The following TRRAP variants were observed in gnomAD, a reference collection of about 807,000 sequenced individuals.
TRRAP encodes the protein transformation/transcription domain-associated protein.
Under a neutral mutation model 438.8 loss-of-function variants are expected in TRRAP, and 41 were observed. That is an observed-to-expected ratio of 0.09 (90% CI 0.07 to 0.12). The LOEUF (loss-of-function observed/expected upper bound fraction) is 0.12, where lower values mean the gene tolerates loss of function less well. Ranked by LOEUF, TRRAP falls within the 10% of genes least tolerant of loss-of-function variation. The pLI, the probability that TRRAP is intolerant of heterozygous loss-of-function variation, is 1.00. For synonymous variants in TRRAP, 1,994 were observed against 1,962.9 expected (o/e 1.02, Z -0.42); for missense variants, 3,122 against 5,055.1 (o/e 0.62, Z 11.60).
At chr7:98,897,488 C>T (rs1554405939) in intron 7 of TRRAP, among the ~76,000 whole-genome samples, 1 of 151,994 alleles carries the variant, frequency 6.6e-6, no homozygotes, top group Admixed American at 6.5e-5. Context: ...GAACATGGTC[C>T]CTGTCGTGTT....
chr7:98,971,915 C>G lies in TRRAP; in HGVS notation c.7809C>G (p.Asp2603Glu). ...TGCACATGCTAACCAACAGGCACGA[C>G]AAGTTTCTGGACACTCTCCGAGAGG... Reference protein sequence around the residue: ...NQLHMLTNRHDKFLDTLREVK... With the variant: ...NQLHMLTNRHEKFLDTLREVK... The change falls in exon 53 of 73, where the codon GAC becomes GAG. Residue 2603 changes from aspartate (D) to glutamate (E), a missense_variant. Physicochemically the swap from Asp to Glu is conservative, Grantham distance 45. Transcript: ENST00000456197. 1 of 1,614,206 alleles carries G rather than the reference C, an allele frequency of 6.2e-7. No homozygotes were observed. The highest frequency in any genetic ancestry group is 1.6e-4 in the Middle Eastern group (1 of 6,062).
At chr7:98,970,369 G>A in intron 52 of TRRAP, 78 bp downstream of exon 52, 3 of 1,531,722 alleles carry the variant, frequency 2.0e-6, no homozygotes, top group Non-Finnish European at 2.6e-6. Context: ...TCCCAGAGAG[G>A]AGGTGAGACC....
At chr7:98,923,185 C>A (rs1193892794) in intron 21 of TRRAP, among the ~76,000 whole-genome samples, 4 of 152,216 alleles carry the variant, frequency 2.6e-5, no homozygotes, top group Non-Finnish European at 4.4e-5. Context: ...AAAATTCTGT[C>A]TTTTGCGTAT....
chr7:98,920,484 A>AG (rs1554410307), intron 20 of TRRAP, among the ~76,000 whole-genome samples: 5 of 152,034 alleles, frequency 3.3e-5, no homozygotes, highest in Admixed American at 2.0e-4. Flanking sequence ...AAAAAAAAAA[A>AG]GAAAAGAAAA....
intron 67 of TRRAP, among the ~76,000 whole-genome samples, chr7:99,003,873 G>T (rs1156756966): frequency 6.6e-6 from 1 of 152,204 alleles, no homozygotes; most frequent in Non-Finnish European, 1.5e-5. Flanking sequence ...AGACCAGCCT[G>T]GCCAACATGG....
At position 98,921,762 on chromosome 7, in the gene TRRAP, C is replaced by A; in HGVS notation, c.2632C>A (p.Arg878Ser). Residue 878 changes from arginine (R) to serine (S), a missense_variant, in exon 21 of 73, where the codon CGC (arginine) becomes AGC (serine). Arg to Ser is a moderately radical substitution (Grantham distance 110, BLOSUM62 -1). Around this residue, in one of 24 missense-constraint regions of TRRAP, gnomAD observed 133 missense variants for 188.6 expected, o/e 0.71. Coordinates refer to ENST00000456197, the MANE Select transcript of TRRAP (RefSeq NM_001375524.1). ...VRAELMQALWRTLRNPADSIS... is the reference protein window; with the variant it reads ...VRAELMQALWSTLRNPADSIS... ...GCACGCTGATTTTCAGGCTCTGTGG[C>A]GCACCTTACGCAACCCTGCTGACAG... 2 of 1,614,074 alleles carry A rather than the reference C, an allele frequency of 1.2e-6. No homozygotes were observed. Among genetic ancestry groups the A allele is most frequent in the Non-Finnish European group, 8.5e-7 (1 of 1,180,018 alleles).
At position 98,953,342 on chromosome 7, in the gene TRRAP, C is replaced by A. The variant is rs370921401; in HGVS notation, c.5639C>A (p.Ala1880Asp). 6.2e-7 allele frequency: 1 copy of A among 1,614,008 alleles called. No individual in the cohort carries two copies. The highest frequency in any genetic ancestry group is 1.7e-5 in the Admixed American group (1 of 60,028). Reference protein sequence around the residue: ...TFAWPCLLSKACVDPACKYSG... With the variant: ...TFAWPCLLSKDCVDPACKYSG... Reference sequence around the variant, plus strand: ...GCCTGGCCCTGCCTGCTCTCCAAGGCCTGCGTGGACCCAGCCTGCAAGTAC... The same window carrying A: ...GCCTGGCCCTGCCTGCTCTCCAAGGACTGCGTGGACCCAGCCTGCAAGTAC... Residue 1880 changes from alanine to aspartate, a missense_variant, in exon 40 of 73, where the codon GCC (alanine) becomes GAC (aspartate). This residue lies in a region of TRRAP where 22 missense variants were observed against 28.8 expected (regional missense o/e 0.76). Transcript: ENST00000456197.
chr7:98,936,796 C>G lies in TRRAP; in HGVS notation c.4112-360C>G, dbSNP rs184746159. The stretch of plus-strand genomic sequence containing the variant: ...AGACGTAAGATTTATCATGGCTTTT[C>G]TGGCAGGCTGGACTTCACTCTTAGA... On this transcript the variant is annotated intron_variant, in intron 28 of 72. Transcript: ENST00000456197. Among the ~76,000 whole-genome samples the G allele has an allele frequency of 1.1e-3, 169 of 152,308 alleles. 1 individual carries two copies. The highest frequency in any genetic ancestry group is 3.8e-3 in the African/African-American group (159 of 41,556).
chr7:98,950,732 A>C, intron 38 of TRRAP, 144 bp from the exon 39 acceptor site: 1 of 938,392 alleles, frequency 1.1e-6, no homozygotes, highest in East Asian at 2.7e-5. Context: ...TGCTCTTTGC[A>C]TAGGAGTCAA....
intron 25 of TRRAP, 51 bp downstream of exon 25, chr7:98,930,881 T>C: frequency 6.2e-7 from 1 of 1,607,458 alleles, no homozygotes; most frequent in South Asian, 1.1e-5. Context: ...GAAATGGTGG[T>C]TTCCTGAAGA....
intron 67 of TRRAP, among the ~76,000 whole-genome samples, chr7:99,000,450 C>G (rs149603537): frequency 6.6e-6 from 1 of 152,216 alleles, no homozygotes; most frequent in Non-Finnish European, 1.5e-5. Flanking sequence ...TGGGGCAAGC[C>G]GGAAACTGCT....
rs782774344 is a variant in TRRAP at position 98,935,563 on chromosome 7, G to A, written c.4015-16G>A. ...CAGGAAGAGTGGGCTAAATGAAATTGTTTTATCTTTTGCAGCTGTTGAATT... is the reference window on the plus strand; with the variant it reads ...CAGGAAGAGTGGGCTAAATGAAATTATTTTATCTTTTGCAGCTGTTGAATT... On this transcript the variant is annotated splice_polypyrimidine_tract_variant and intron_variant, in intron 27 of 72. Coordinates refer to ENST00000456197, the MANE Select transcript of TRRAP (RefSeq NM_001375524.1). The A allele has an allele frequency of 3.8e-5, 60 of 1,593,314 alleles. No individual in the cohort carries two copies. Among genetic ancestry groups the A allele is most frequent in the Non-Finnish European group, 4.6e-5 (53 of 1,163,304 alleles).
In TRRAP at chr7:98,976,440, G is replaced by A. The variant is rs566948088; in HGVS notation, c.7960-43G>A. 1.1e-5 allele frequency: 18 copies of A among 1,587,698 alleles called. No homozygotes were observed. The highest frequency in any genetic ancestry group is 2.2e-5 in the South Asian group (2 of 89,572). On this transcript the variant is annotated intron_variant, in intron 54 of 72. Transcript: ENST00000456197. The surrounding 1 kb of genome is among the most constrained non-coding windows in gnomAD (Gnocchi z 4.6). ...ATCGAGAGAGACAGCAAGACTTGCC[G>A]ATTTTTGAATGAAGGCCTAAATGAC...
chr7:98,978,130 AGT>A, intron 56 of TRRAP, 79 bp from the exon 57 acceptor site: 3 of 1,283,960 alleles, frequency 2.3e-6, no homozygotes, highest in Non-Finnish European at 3.3e-6. Flanking sequence ...CAAAAAACTT[AGT>A]TCTAAGTTTT....
At chr7:98,880,429 A>C (rs1795376198) in intron 1 of TRRAP, among the ~76,000 whole-genome samples, 1 of 151,720 alleles carries the variant, frequency 6.6e-6, no homozygotes, top group Middle Eastern at 3.2e-3. Context: ...ACGCCTGGCT[A>C]ATTTTTGTAT....
rs1427247126 is a variant in TRRAP at position 98,897,748 on chromosome 7, A to G, written c.515A>G (p.Tyr172Cys). ...YKELPKVVNR[Y>C]FENPQVIPEN... ...TTTATGACTTTTATGTAGAACCGCT[A>G]CTTTGAGAACCCTCAAGTGATCCCC... The change falls in exon 8 of 73, where the codon TAC becomes TGC. Residue 172 changes from tyrosine (Y) to cysteine (C), a missense_variant. By Grantham distance (194) the Tyr-to-Cys change is radical. Around this residue, in one of 24 missense-constraint regions of TRRAP, gnomAD observed 343 missense variants for 564.0 expected, o/e 0.61. Coordinates refer to ENST00000456197, the MANE Select transcript of TRRAP (RefSeq NM_001375524.1). 6.2e-7 allele frequency: 1 copy of G among 1,613,120 alleles called. No homozygotes were observed. The highest frequency in any genetic ancestry group is 8.5e-7 in the Non-Finnish European group (1 of 1,179,814).
chr7:98,950,025 TG>T (rs1384500741), intron 37 of TRRAP, 38 bp from the exon 38 acceptor site: 44 of 1,610,774 alleles, frequency 2.7e-5, no homozygotes, highest in Non-Finnish European at 3.4e-5. Flanking sequence ...TAATGAAATT[TG>T]CTCTAAGTTA....
chr7:98,884,870 G>A (rs1795621920), intron 3 of TRRAP, among the ~76,000 whole-genome samples: 1 of 152,050 alleles, frequency 6.6e-6, no homozygotes, highest in African/African-American at 2.4e-5. Flanking sequence ...CTCCGGTACT[G>A]GCCCTAATCC....
At chr7:98,898,377 C>T (rs1796319825) in intron 8 of TRRAP, among the ~76,000 whole-genome samples, 1 of 152,112 alleles carries the variant, frequency 6.6e-6, no homozygotes, top group African/African-American at 2.4e-5. Context: ...TGGCATGGTC[C>T]GCAGGTAATG....
Sources: gnomAD v4.1 joint callset for allele counts (sites outside exome capture counted in the v4.1 genomes callset) on GRCh38, gnomAD v4.1.1 for gene constraint, gnomAD v4.1.1 regional missense constraint, Gnocchi (gnomAD v3.1) non-coding constraint, MANE v1.5 for transcripts, NCBI Gene and HGNC (gene_info 2026-07-23, HGNC 2026-07-21) for gene names.